The following ESPL1 variants were observed in gnomAD, a reference collection of about 807,000 sequenced individuals.
The protein encoded by ESPL1 is separin.
Under a neutral mutation model 217.2 loss-of-function variants are expected in ESPL1, and 50 were observed. That is an observed-to-expected ratio of 0.23 (90% CI 0.18 to 0.29). The LOEUF is 0.29. ESPL1 is among the 10% of genes least tolerant of loss of function. ESPL1 has a pLI of 1.00. For missense variants in ESPL1, 1,834 were observed against 2,603.0 expected, an observed-to-expected ratio of 0.70 and a Z score of 6.43; for synonymous variants, 994 against 1,081.3, an observed-to-expected ratio of 0.92 and a Z score of 1.58.
At chr12:53,285,497 A>G (rs891198692) in intron 17 of ESPL1, among the ~76,000 whole-genome samples, 2 of 152,314 alleles carry the variant, frequency 1.3e-5, no homozygotes, top group East Asian at 3.9e-4. Flanking sequence ...TCACAAGGTC[A>G]GGAGATCGAG....
intron 7 of ESPL1, among the ~76,000 whole-genome samples, chr12:53,276,035 T>C (rs1450898836): frequency 6.6e-6 from 1 of 152,164 alleles, no homozygotes; most frequent in African/African-American, 2.4e-5. Flanking sequence ...AGCGAGACCT[T>C]GACTCTACTT....
chr12:53,273,027 T>G (rs1291270756), intron 6 of ESPL1, among the ~76,000 whole-genome samples, 170 bp downstream of exon 6: 1 of 150,622 alleles, frequency 6.6e-6, no homozygotes, highest in Non-Finnish European at 1.5e-5. Context: ...TACTTACTGT[T>G]GACTCATTTT....
At chr12:53,270,515 G>A (rs1168816433) in intron 4 of ESPL1, 33 bp downstream of exon 4, 1 of 1,579,340 alleles carries the variant, frequency 6.3e-7, no homozygotes, top group East Asian at 2.2e-5. Context: ...CCTGGACTAG[G>A]CTCATAGGGT....
intron 6 of ESPL1, among the ~76,000 whole-genome samples, 167 bp downstream of exon 6, chr12:53,273,024 T>C (rs890562736): frequency 6.6e-6 from 1 of 150,498 alleles, no homozygotes; most frequent in African/African-American, 2.5e-5. Flanking sequence ...TGTTACTTAC[T>C]GTTGACTCAT....
chr12:53,274,533 A>G, intron 6 of ESPL1: 1 of 288,490 alleles, frequency 3.5e-6, no homozygotes, highest in South Asian at 4.2e-5. Flanking sequence ...TTTCTTACTC[A>G]GGAGAAGGCA....
chr12:53,272,411 G>A (rs11170496), intron 5 of ESPL1, among the ~76,000 whole-genome samples: 98,160 of 151,834 alleles, frequency 0.65, 32,547 homozygotes, highest in East Asian at 0.95. Context: ...AGGCTTGGAG[G>A]ATGTGAGGGA....
In ESPL1 at chr12:53,285,937, G is replaced by A; in HGVS notation, c.3201G>A (p.Val1067=). The A allele has an allele frequency of 1.3e-6, 2 of 1,521,560 alleles. No individual in the cohort carries two copies. Among genetic ancestry groups the A allele is most frequent in the East Asian group, 2.3e-5 (1 of 43,786 alleles). 94.3% of individuals were successfully genotyped at this position (1,521,560 alleles called of 1,614,324 possible). Residue 1067 remains valine (V), a synonymous_variant, in exon 18 of 31, where the codon GTG becomes GTA. Transcript: ENST00000257934. ...LLESCTEFGG[V]TQHLDSVKKV... ...CCTTCTCCCCAGAGTTTGGTGGGGT[G>A]ACTCAGCACCTGGACTCTGTGAAGA... is the stretch of plus-strand genomic sequence containing the variant.
chr12:53,280,685 T>A (rs974878207), intron 12 of ESPL1, among the ~76,000 whole-genome samples: 4 of 152,040 alleles, frequency 2.6e-5, no homozygotes, highest in Non-Finnish European at 5.9e-5. Context: ...ACTCTGTATA[T>A]AGCTTTAATC....
chr12:53,282,856 G>A lies in ESPL1; in HGVS notation c.2792-273G>A, dbSNP rs1353960316. Among the ~76,000 whole-genome samples, 1 of 152,342 alleles carries A rather than the reference G, an allele frequency of 6.6e-6. No individual in the cohort carries two copies. Among genetic ancestry groups the A allele is most frequent in the South Asian group, 2.1e-4 (1 of 4,828 alleles). On this transcript the variant is annotated intron_variant, in intron 14 of 30. Transcript: ENST00000257934. This position sits in a 1 kb window ranked among gnomAD's most constrained non-coding sequence, Gnocchi z 4.0. The stretch of plus-strand genomic sequence containing the variant: ...ATTAGTAGAGGTGGGGTTTCACCAT[G>A]TTGGCCAGGCTGGTCTCAAACTCCT...
intron 7 of ESPL1, among the ~76,000 whole-genome samples, chr12:53,275,626 T>G (rs1323062862): frequency 1.3e-5 from 2 of 152,198 alleles, no homozygotes; most frequent in East Asian, 1.9e-4. Context: ...ACTGTGCTAC[T>G]TGGGGGGTAT....
intron 1 of ESPL1, 144 bp from the exon 2 acceptor site, chr12:53,268,611 G>A (rs1005232835): frequency 1.2e-5 from 7 of 603,384 alleles, no homozygotes; most frequent in African/African-American, 7.4e-5. Context: ...CTTTTATAAC[G>A]GGAGCACGGC....
At chr12:53,276,888 C>T in intron 8 of ESPL1, 29 bp downstream of exon 8, 1 of 1,607,268 alleles carries the variant, frequency 6.2e-7, no homozygotes, top group African/African-American at 1.3e-5. Context: ...AGAGGCCACT[C>T]TTGCTCCTTG....
At chr12:53,279,697 G>A (rs370063683) in intron 11 of ESPL1, 35 bp from the exon 12 acceptor site, 3 of 1,613,702 alleles carry the variant, frequency 1.9e-6, no homozygotes, top group Non-Finnish European at 2.5e-6. Flanking sequence ...GGCTTGAGCA[G>A]GGGTGGAGTA....
rs1943907573 is a variant in ESPL1, at chr12:53,284,135, A to G, written c.3155A>G (p.Gln1052Arg). The G allele has an allele frequency of 6.2e-7, 1 of 1,613,930 alleles. No individual in the cohort carries two copies. Among genetic ancestry groups the G allele is most frequent in the Non-Finnish European group, 8.5e-7 (1 of 1,179,778 alleles). The change falls in exon 17 of 31, where the codon CAG (glutamine) becomes CGG (arginine). Residue 1052 changes from glutamine to arginine, a missense_variant. This residue lies in a region of ESPL1 where 107 missense variants were observed against 171.7 expected (regional missense o/e 0.62). Coordinates refer to ENST00000257934, the MANE Select transcript of ESPL1 (RefSeq NM_012291.5). ...ATTGATCTCTGTCAGTCGGACCTGC[A>G]GCAGGTTCTGTTCTTGCTTGAGTCT... Reference protein sequence around the residue: ...NDIDLCQSDLQQVLFLLESCT... With the variant: ...NDIDLCQSDLRQVLFLLESCT...
intron 12 of ESPL1, among the ~76,000 whole-genome samples, chr12:53,281,052 C>T (rs901697028): frequency 5.3e-5 from 8 of 150,822 alleles, no homozygotes; most frequent in Non-Finnish European, 1.0e-4. Flanking sequence ...GAATCAATAA[C>T]TCCTATGCAG....
chr12:53,289,799 CTT>C (rs923126584), intron 22 of ESPL1: 11 of 610,186 alleles, frequency 1.8e-5, no homozygotes, highest in Non-Finnish European at 3.1e-5. Context: ...AATTCAGTGT[CTT>C]TCCTCAGAGG....
rs537331710 is a variant in ESPL1 at position 53,272,476 on chromosome 12, G to A, written c.1370-245G>A. Reference sequence around the variant, plus strand: ...ATCCCTGGCAGAAGAAACAGCCAGTGCTGAGGCAGGAGGGGGTCTCGTTTG... The same window carrying A: ...ATCCCTGGCAGAAGAAACAGCCAGTACTGAGGCAGGAGGGGGTCTCGTTTG... On this transcript the variant is annotated intron_variant, in intron 5 of 30. Coordinates refer to ENST00000257934, the MANE Select transcript of ESPL1 (RefSeq NM_012291.5). 1.0e-3 allele frequency among the ~76,000 whole-genome samples: 155 copies of A among 152,322 alleles called. 1 individual carries two copies. The highest frequency in any genetic ancestry group is 1.6e-3 in the Non-Finnish European group (111 of 68,030).
At chr12:53,279,922 C>T (rs752841853) in intron 12 of ESPL1, 56 bp downstream of exon 12, 216 of 1,489,022 alleles carry the variant, frequency 1.5e-4, no homozygotes, top group Non-Finnish European at 1.9e-4. Flanking sequence ...GCTTTAGAGG[C>T]CCACCTCTGA....
chr12:53,281,493 G>T lies in ESPL1; in HGVS notation c.2500-14G>T. 1.2e-6 allele frequency: 2 copies of T among 1,611,908 alleles called. No homozygotes were observed. Among genetic ancestry groups the T allele is most frequent in the Non-Finnish European group, 1.7e-6 (2 of 1,178,926 alleles). Reference sequence around the variant, plus strand: ...GGCTGCCTTTCCTCATGTGCCCTCTGATTGCTTCCTTAGTTACACCTGGAA... The same window carrying T: ...GGCTGCCTTTCCTCATGTGCCCTCTTATTGCTTCCTTAGTTACACCTGGAA... On this transcript the variant is annotated splice_polypyrimidine_tract_variant and intron_variant, in intron 12 of 30. Coordinates refer to ENST00000257934, the MANE Select transcript of ESPL1 (RefSeq NM_012291.5).
Sources: allele counts gnomAD v4.1 joint callset (sites outside exome capture counted in the v4.1 genomes callset), GRCh38; gene constraint gnomAD v4.1.1; regional missense constraint gnomAD v4.1.1; non-coding constraint Gnocchi (gnomAD v3.1); transcripts MANE v1.5; gene names NCBI Gene and HGNC (gene_info 2026-07-23, HGNC 2026-07-21).